PHAF1: variants seen among roughly 807,000 people sequenced by gnomAD.
PHAF1 encodes phagosome assembly factor 1.
PHAF1 carries 23 observed loss-of-function variants against 63.1 expected under a neutral mutation model. That is an observed-to-expected ratio of 0.36 (90% confidence interval 0.26 to 0.52). The LOEUF is 0.52. Among genes scored for constraint, PHAF1 ranks in the 20% least tolerant of loss-of-function variants. The pLI is 0.93. For missense variants in PHAF1, 427 were observed against 517.2 expected (o/e 0.83, Z 1.69); for synonymous variants, 167 against 185.0 (o/e 0.90, Z 0.79).
intron 1 of PHAF1, among the ~76,000 whole-genome samples, chr16:67,114,236 A>C (rs1284204816): frequency 1.3e-5 from 2 of 152,026 alleles, no homozygotes; most frequent in Admixed American, 1.3e-4. Context: ...ACAGTGACTC[A>C]TGCTTGTACT....
At chr16:67,132,215 G>A in intron 4 of PHAF1, 1 of 442,566 alleles carries the variant, frequency 2.3e-6, no homozygotes, top group Non-Finnish European at 4.0e-6. Flanking sequence ...AGAGTCACTG[G>A]TGTCATAAAG....
intron 8 of PHAF1, chr16:67,135,019 A>G: frequency 3.6e-6 from 1 of 274,008 alleles, no homozygotes; most frequent in Non-Finnish European, 7.2e-6. Context: ...TTAATAAGCA[A>G]CAGCACTGCT....
At chr16:67,144,965 G>A in intron 12 of PHAF1, 88 bp downstream of exon 12, 1 of 1,495,376 alleles carries the variant, frequency 6.7e-7, no homozygotes, top group Non-Finnish European at 9.3e-7. Context: ...GCAGTGGTTG[G>A]ATGTGTGGAG....
chr16:67,128,191 G>A (rs1039093770), intron 3 of PHAF1, among the ~76,000 whole-genome samples: 1 of 152,184 alleles, frequency 6.6e-6, no homozygotes, highest in Non-Finnish European at 1.5e-5. Context: ...CTGGATATTG[G>A]CAATATGTGG....
chr16:67,121,567 A>T (rs1376967552), intron 2 of PHAF1, among the ~76,000 whole-genome samples: 2 of 151,396 alleles, frequency 1.3e-5, no homozygotes, highest in East Asian at 2.0e-4. Flanking sequence ...CTCGTTAATT[A>T]AATTAATTTA....
intron 8 of PHAF1, among the ~76,000 whole-genome samples, chr16:67,138,910 T>C (rs917934272): frequency 1.2e-4 from 18 of 152,102 alleles, no homozygotes; most frequent in Non-Finnish European, 2.9e-5. Context: ...GGGGTTACCA[T>C]TGAGAGTACT....
At chr16:67,144,489 C>A in intron 11 of PHAF1, 113 bp downstream of exon 11, 1 of 768,640 alleles carries the variant, frequency 1.3e-6, no homozygotes, top group Non-Finnish European at 2.2e-6. Flanking sequence ...TGAATTCTTG[C>A]TGTTTCATGG....
At chr16:67,125,271 C>G (rs1020546987) in intron 2 of PHAF1, among the ~76,000 whole-genome samples, 1 of 152,146 alleles carries the variant, frequency 6.6e-6, no homozygotes, top group Non-Finnish European at 1.5e-5. Context: ...ACTCCCCTCC[C>G]CCAGGATTCA....
intron 8 of PHAF1, among the ~76,000 whole-genome samples, chr16:67,137,085 G>T (rs904375685): frequency 6.6e-6 from 1 of 151,990 alleles, no homozygotes; most frequent in African/African-American, 2.4e-5. Context: ...AACCCAGGAG[G>T]TGGAGCTTGC....
Position 67,148,056 on chromosome 16 carries a change from G to A in PHAF1, c.*925G>A, listed in dbSNP as rs1237632572. On this transcript the variant is annotated 3_prime_UTR_variant, in exon 16 of 16. Coordinates refer to ENST00000219139, the MANE Select transcript of PHAF1 (RefSeq NM_025187.5). ...TGCTAATGGAAAGTAGCATATATGTGCTTTAAAAATATTAATCCTTTTGAA... is the reference window on the plus strand; with the variant it reads ...TGCTAATGGAAAGTAGCATATATGTACTTTAAAAATATTAATCCTTTTGAA... 1 of 152,606 alleles carries A rather than the reference G, an allele frequency of 6.6e-6. No individual in the cohort carries two copies. The highest frequency in any genetic ancestry group is 1.5e-5 in the Non-Finnish European group (1 of 68,042). 9.5% of individuals were successfully genotyped at this position (152,606 alleles called of 1,614,324 possible).
intron 8 of PHAF1, among the ~76,000 whole-genome samples, chr16:67,136,791 G>C (rs1963626962): frequency 6.6e-6 from 1 of 151,742 alleles, no homozygotes; most frequent in African/African-American, 2.4e-5. Flanking sequence ...ATGTTGCCCA[G>C]GCTGGTCTCA....
intron 3 of PHAF1, among the ~76,000 whole-genome samples, chr16:67,130,409 C>T (rs1415821747): frequency 3.0e-5 from 4 of 131,996 alleles, no homozygotes; most frequent in Admixed American, 1.7e-4. Flanking sequence ...AGTGCAGTGG[C>T]GCAATCTCAG....
chr16:67,111,929 G>A (rs189060033), intron 1 of PHAF1, among the ~76,000 whole-genome samples: 2 of 152,206 alleles, frequency 1.3e-5, no homozygotes, highest in African/African-American at 2.4e-5. Flanking sequence ...CATAAAAGCC[G>A]GTTTAATTTA....
At position 67,134,478 on chromosome 16, in the gene PHAF1, G is replaced by A. The variant is rs539405391; in HGVS notation, c.661+11G>A. The A allele has an allele frequency of 3.6e-4, 568 of 1,594,380 alleles. 8 individuals are homozygous for A. The South Asian group carries it at 6.1e-3, about 17-fold the overall frequency. ...GCCTACTTGCTGCAGGTCAGTGACT[G>A]GCTTTGAGGTTGGTACATTCCGCAT... On this transcript the variant is annotated intron_variant, in intron 8 of 15. Coordinates refer to ENST00000219139, the MANE Select transcript of PHAF1 (RefSeq NM_025187.5).
At chr16:67,134,637 C>G in intron 8 of PHAF1, 170 bp downstream of exon 8, 3 of 712,452 alleles carry the variant, frequency 4.2e-6, no homozygotes, top group Non-Finnish European at 7.6e-6. Flanking sequence ...GTTCTGGAGG[C>G]TGGGAAGTCC....
At chr16:67,146,224 C>CT in intron 14 of PHAF1, 54 bp from the exon 15 acceptor site, 1 of 1,521,060 alleles carries the variant, frequency 6.6e-7, no homozygotes, top group South Asian at 1.1e-5. Context: ...GGATCCCTTG[C>CT]TTTAAGGCCG....
At chr16:67,119,685 A>G (rs1962896499) in intron 1 of PHAF1, among the ~76,000 whole-genome samples, 1 of 146,106 alleles carries the variant, frequency 6.8e-6, no homozygotes, top group African/African-American at 2.6e-5. Flanking sequence ...TCGCCTGGCT[A>G]ATTTTTTTTT....
At chr16:67,132,628 A>G (rs767448775) in intron 5 of PHAF1, 103 bp downstream of exon 5, 2 of 1,364,028 alleles carry the variant, frequency 1.5e-6, no homozygotes, top group South Asian at 1.2e-5. Context: ...TCAGGCTCCC[A>G]TAGGATTGTG....
intron 3 of PHAF1, among the ~76,000 whole-genome samples, chr16:67,130,776 T>G (rs1159783121): frequency 3.3e-5 from 5 of 152,216 alleles, no homozygotes; most frequent in Non-Finnish European, 7.3e-5. Flanking sequence ...AAGAGATCAT[T>G]GTCCTATAGG....
Sources: gnomAD v4.1 joint callset for allele counts (sites outside exome capture counted in the v4.1 genomes callset) on GRCh38, gnomAD v4.1.1 for gene constraint, MANE v1.5 for transcripts, NCBI Gene and HGNC (gene_info 2026-07-23, HGNC 2026-07-21) for gene names.